The following GRM4 variants were observed in gnomAD, a reference collection of about 807,000 sequenced individuals.
GRM4 encodes the protein glutamate metabotropic receptor 4.
In GRM4, 28 loss-of-function variants were observed where a neutral mutation model predicts 81.7. The ratio of observed to expected loss-of-function variants is 0.34; its 90% CI spans 0.25 to 0.47. The LOEUF (loss-of-function observed/expected upper bound fraction) is 0.47. Among genes scored for constraint, GRM4 ranks in the 20% least tolerant of loss-of-function variants. The probability of loss-of-function intolerance (pLI) is 1.00; values close to 1 mark genes in which losing one functional copy is unlikely to be tolerated. For missense variants in GRM4, 948 were observed against 1,290.0 expected (o/e 0.73, Z 4.06); for synonymous variants, 488 against 528.8 (o/e 0.92, Z 1.06).
chr6:34,043,874 G>A (rs1765131063), intron 6 of GRM4, among the ~76,000 whole-genome samples: 1 of 152,130 alleles, frequency 6.6e-6, no homozygotes, highest in Non-Finnish European at 1.5e-5. Flanking sequence ...CCCTTACAGA[G>A]CATCCATCCC....
At chr6:34,061,811 A>G in intron 4 of GRM4, 82 bp downstream of exon 4, 6 of 1,446,312 alleles carry the variant, frequency 4.1e-6, no homozygotes, top group Non-Finnish European at 5.7e-6. Flanking sequence ...TCGCCTGGGA[A>G]GGTCTCCAGC....
intron 10 of GRM4, among the ~76,000 whole-genome samples, chr6:34,023,586 G>T (rs1763994208): frequency 6.6e-6 from 1 of 152,112 alleles, no homozygotes; most frequent in Non-Finnish European, 1.5e-5. Context: ...TGGTGCCCCT[G>T]TCTCTCTCAG....
chr6:34,113,256 A>G (rs1055422584), intron 2 of GRM4, among the ~76,000 whole-genome samples: 1 of 151,898 alleles, frequency 6.6e-6, no homozygotes, highest in Admixed American at 6.6e-5. Flanking sequence ...AGTTCAAGCG[A>G]TGCTCCCACC....
chr6:34,049,905 C>T (rs1765528831), intron 6 of GRM4, among the ~76,000 whole-genome samples: 1 of 152,194 alleles, frequency 6.6e-6, no homozygotes. Context: ...ACTCTGCCCT[C>T]GCTCCCAGAG....
chr6:34,148,738 C>T (rs1770991028), upstream of GRM4, among the ~76,000 whole-genome samples: 1 of 152,222 alleles, frequency 6.6e-6, no homozygotes, highest in African/African-American at 2.4e-5. Context: ...AGCCCCCCAG[C>T]CTCTCTGAGC....
In GRM4 at chr6:34,070,880, C is replaced by T. The variant is rs1581649516; in HGVS notation, c.737-8852G>A. ...ACCACCACAAGCTCACAAAGTTTCA[C>T]GGTCACACACGCTCACCAGGGACAC... On this transcript the variant is annotated intron_variant, in intron 3 of 10. Coordinates refer to ENST00000538487, the MANE Select transcript of GRM4 (RefSeq NM_000841.4). The surrounding 1 kb of genome is among the most constrained non-coding windows in gnomAD (Gnocchi z 4.6). Among the ~76,000 whole-genome samples the T allele has an allele frequency of 6.7e-6, 1 of 149,120 alleles. No individual in the cohort carries two copies. The highest frequency in any genetic ancestry group is 1.5e-5 in the Non-Finnish European group (1 of 67,690).
At chr6:34,103,411 C>T (rs558786267) in intron 2 of GRM4, among the ~76,000 whole-genome samples, 1 of 152,296 alleles carries the variant, frequency 6.6e-6, no homozygotes, top group South Asian at 2.1e-4. Flanking sequence ...GGGAGAGCCT[C>T]GGCAGGGCTG....
upstream of GRM4, among the ~76,000 whole-genome samples, chr6:34,148,245 G>T (rs1459957270): frequency 6.6e-6 from 1 of 152,080 alleles, no homozygotes; most frequent in Admixed American, 6.5e-5. Flanking sequence ...GTGGCCAAGC[G>T]CTCCGTCAGC....
intron 3 of GRM4, among the ~76,000 whole-genome samples, chr6:34,065,920 C>A (rs1766438182): frequency 6.6e-6 from 1 of 152,154 alleles, no homozygotes; most frequent in African/African-American, 2.4e-5. Flanking sequence ...TCCAGGCCAG[C>A]CCCTGACTGC....
At chr6:34,113,529 AG>A (rs1276550807) in intron 2 of GRM4, among the ~76,000 whole-genome samples, 1 of 152,090 alleles carries the variant, frequency 6.6e-6, no homozygotes, top group Admixed American at 6.5e-5. Context: ...GTCCTTGTGC[AG>A]GGTTTATCTA....
Position 34,105,584 on chromosome 6 carries a change from T to C in GRM4, c.520-13485A>G, listed in dbSNP as rs1873247. Among the ~76,000 whole-genome samples the C allele has an allele frequency of 8.8e-3, 1,332 of 152,106 alleles. 24 individuals are homozygous for C. Among genetic ancestry groups the C allele is most frequent in the African/African-American group, 0.028 (1,175 of 41,464 alleles). The stretch of plus-strand genomic sequence containing the variant: ...CCTGGTGGTCCCCAGGGCTCAGCGC[T>C]CCCTTCCCTCTGTCTGCCTCTCCAC... On this transcript the variant is annotated intron_variant, in intron 2 of 10. Coordinates refer to ENST00000538487, the MANE Select transcript of GRM4 (RefSeq NM_000841.4).
At position 34,089,047 on chromosome 6, in the gene GRM4, C is replaced by G. The variant is rs903766740; in HGVS notation, c.736+2836G>C. 2.0e-5 allele frequency among the ~76,000 whole-genome samples: 3 copies of G among 152,142 alleles called. No individual in the cohort carries two copies. The East Asian group carries it at 5.8e-4, about 29-fold the overall frequency. ...GTGGCCTTGGGAAAGTGACCCACCCCCTCTGGCCTCCATTTCCCCATCTAT... is the reference window on the plus strand; with the variant it reads ...GTGGCCTTGGGAAAGTGACCCACCCGCTCTGGCCTCCATTTCCCCATCTAT... On this transcript the variant is annotated intron_variant, in intron 3 of 10. Transcript: ENST00000538487. This position sits in a 1 kb window ranked among gnomAD's most constrained non-coding sequence, Gnocchi z 4.3.
intron 2 of GRM4, among the ~76,000 whole-genome samples, chr6:34,131,606 C>G (rs1251195538): frequency 6.6e-6 from 1 of 152,168 alleles, no homozygotes; most frequent in Non-Finnish European, 1.5e-5. Flanking sequence ...CTCCCGCTCA[C>G]CAGCTTCCTC....
In GRM4 at chr6:34,056,538, G is replaced by T; in HGVS notation, c.1168+6C>A. On this transcript the variant is annotated splice_donor_region_variant and intron_variant, in intron 6 of 10. Transcript: ENST00000538487. ...CCGCCCGGCCCTGCCCGGCCCGCGTGCTCACTGGTGCACTTCTTGACGTGG... is the reference window on the plus strand; with the variant it reads ...CCGCCCGGCCCTGCCCGGCCCGCGTTCTCACTGGTGCACTTCTTGACGTGG... 1.2e-6 allele frequency: 2 copies of T among 1,611,276 alleles called. No individual in the cohort carries two copies. Among genetic ancestry groups the T allele is most frequent in the Non-Finnish European group, 1.7e-6 (2 of 1,178,884 alleles).
At chr6:34,051,278 A>T (rs1356125608) in intron 6 of GRM4, among the ~76,000 whole-genome samples, 1 of 152,210 alleles carries the variant, frequency 6.6e-6, no homozygotes, top group African/African-American at 2.4e-5. Context: ...CCTCATCTGT[A>T]ATGTGGGTTG....
At chr6:34,101,573 G>A (rs1174503459) in intron 2 of GRM4, among the ~76,000 whole-genome samples, 10 of 152,200 alleles carry the variant, frequency 6.6e-5, no homozygotes, top group Non-Finnish European at 1.5e-4. Flanking sequence ...CATCCTGTGG[G>A]GCAGGATCCT....
At chr6:34,134,562 G>A (rs1770375737) in intron 1 of GRM4, among the ~76,000 whole-genome samples, 1 of 152,096 alleles carries the variant, frequency 6.6e-6, no homozygotes, top group African/African-American at 2.4e-5. Flanking sequence ...GGTGGACCCT[G>A]TACTCTCCTG....
intron 2 of GRM4, among the ~76,000 whole-genome samples, chr6:34,117,504 T>C (rs976441407): frequency 1.3e-5 from 2 of 151,968 alleles, no homozygotes; most frequent in African/African-American, 2.4e-5. Context: ...GCCCACCCAC[T>C]ACCTCAGCTG....
intron 2 of GRM4, among the ~76,000 whole-genome samples, chr6:34,131,473 C>T (rs751733340): frequency 1.6e-4 from 25 of 152,300 alleles, no homozygotes; most frequent in Non-Finnish European, 3.1e-4. Flanking sequence ...CAGAGCATAC[C>T]AGAGACATGA....
Sources: allele counts gnomAD v4.1 joint callset (sites outside exome capture counted in the v4.1 genomes callset), GRCh38; gene constraint gnomAD v4.1.1; non-coding constraint Gnocchi (gnomAD v3.1); transcripts MANE v1.5; gene names NCBI Gene and HGNC (gene_info 2026-07-23, HGNC 2026-07-21).